The following ERG variants were observed in gnomAD, a reference collection of about 807,000 sequenced individuals.
The protein encoded by ERG is ETS transcription factor ERG.
Under a neutral mutation model 55.3 loss-of-function variants are expected in ERG, and 9 were observed. That is an observed-to-expected ratio of 0.16 (90% CI 0.10 to 0.28). ERG has a LOEUF of 0.28. Among genes scored for constraint, ERG ranks in the 10% least tolerant of loss-of-function variants. ERG has a pLI of 1.00. For synonymous variants in ERG, 223 were observed against 237.3 expected (o/e 0.94, Z 0.55); for missense variants, 434 against 631.6 (o/e 0.69, Z 3.35).
At chr21:38,561,090 C>T (rs2059890157) in intron 2 of ERG, among the ~76,000 whole-genome samples, 1 of 151,836 alleles carries the variant, frequency 6.6e-6, no homozygotes. Flanking sequence ...TTTACCTAAC[C>T]TAAGGGTTAT....
At chr21:38,620,876 C>T (rs1250309393) in intron 1 of ERG, among the ~76,000 whole-genome samples, 1 of 152,222 alleles carries the variant, frequency 6.6e-6, no homozygotes, top group Non-Finnish European at 1.5e-5. Context: ...TTTGGAAGCT[C>T]CTTCTAGACA....
At chr21:38,500,818 T>A (rs1347843014), upstream of ERG, among the ~76,000 whole-genome samples, 1 of 152,160 alleles carries the variant, frequency 6.6e-6, no homozygotes, top group Non-Finnish European at 1.5e-5. Context: ...CATACAAACA[T>A]AAAAAGTGAT....
At chr21:38,640,663 TC>T (rs1408201540) in intron 1 of ERG, among the ~76,000 whole-genome samples, 1 of 152,174 alleles carries the variant, frequency 6.6e-6, no homozygotes, top group Non-Finnish European at 1.5e-5. Flanking sequence ...TTGTGAGGCC[TC>T]CCCAGCCACG....
At chr21:38,425,229 C>T (rs1166421507) in intron 2 of ERG, among the ~76,000 whole-genome samples, 1 of 151,940 alleles carries the variant, frequency 6.6e-6, no homozygotes, top group African/African-American at 2.4e-5. Context: ...ACTAAAAATA[C>T]AAAATTAGCT....
At chr21:38,456,703 T>A (rs1412603311) in intron 1 of ERG, among the ~76,000 whole-genome samples, 1 of 152,204 alleles carries the variant, frequency 6.6e-6, no homozygotes, top group African/African-American at 2.4e-5. Flanking sequence ...CTTCACCCAC[T>A]GTGAGGGTCC....
upstream of ERG, among the ~76,000 whole-genome samples, chr21:38,499,261 A>C (rs895590919): frequency 1.3e-5 from 2 of 152,220 alleles, no homozygotes; most frequent in Non-Finnish European, 2.9e-5. Flanking sequence ...CAGACAACAG[A>C]TCCTCATAGA....
At position 38,612,766 on chromosome 21, in the gene ERG, C is replaced by T. The variant is rs575707081; in HGVS notation, c.-149-27821G>A. Among the ~76,000 whole-genome samples the T allele has an allele frequency of 3.2e-4, 48 of 151,012 alleles. 1 individual carries two copies. The highest frequency in any genetic ancestry group is 1.1e-3 in the African/African-American group (44 of 41,028). Reference sequence around the variant, plus strand: ...GCAACCTCCGCCTCCTGGGTTCAGGCGATTCTCCTGCCTCAGCCTCCCAAG... The same window carrying T: ...GCAACCTCCGCCTCCTGGGTTCAGGTGATTCTCCTGCCTCAGCCTCCCAAG... On this transcript the variant is annotated intron_variant, in intron 1 of 10. Coordinates refer to the ERG transcript ENST00000398910.
intron 1 of ERG, among the ~76,000 whole-genome samples, chr21:38,447,697 G>T (rs1278370951): frequency 6.6e-6 from 1 of 151,798 alleles, no homozygotes; most frequent in East Asian, 1.9e-4. Context: ...AAAAATTTTT[G>T]CAAAACAGAT....
At chr21:38,555,144 T>G (rs937237259) in intron 2 of ERG, among the ~76,000 whole-genome samples, 1 of 151,904 alleles carries the variant, frequency 6.6e-6, no homozygotes, top group Non-Finnish European at 1.5e-5. Flanking sequence ...CTGGCCAACA[T>G]AGTGAAACCT....
chr21:38,503,290 C>T (rs1356166232), upstream of ERG, among the ~76,000 whole-genome samples: 1 of 151,828 alleles, frequency 6.6e-6, no homozygotes, highest in Non-Finnish European at 1.5e-5. Context: ...GTGCAGCCCA[C>T]AATACTTGTA....
downstream of ERG, among the ~76,000 whole-genome samples, chr21:38,376,412 C>G (rs1987244946): frequency 6.6e-6 from 1 of 152,208 alleles, no homozygotes; most frequent in Non-Finnish European, 1.5e-5. Flanking sequence ...AGAGGCGGGT[C>G]CTACCCTGAT....
intron 1 of ERG, among the ~76,000 whole-genome samples, chr21:38,477,871 T>C (rs2059203431): frequency 6.6e-6 from 1 of 152,224 alleles, no homozygotes; most frequent in Admixed American, 6.5e-5. Flanking sequence ...CAGATTTTTT[T>C]AAATAGAAAG....
At chr21:38,623,611 G>C (rs1335005776) in intron 1 of ERG, among the ~76,000 whole-genome samples, 1 of 152,184 alleles carries the variant, frequency 6.6e-6, no homozygotes, top group Non-Finnish European at 1.5e-5. Context: ...GCTCATGTGT[G>C]TGTTAGTTTG....
At chr21:38,510,298 T>C (rs1214515370) in intron 2 of ERG, among the ~76,000 whole-genome samples, 1 of 152,246 alleles carries the variant, frequency 6.6e-6, no homozygotes, top group Non-Finnish European at 1.5e-5. Context: ...GGATTTGAGA[T>C]ACTGGATTCC....
At chr21:38,388,486 TGAAA>T (rs1569057332) in intron 9 of ERG, among the ~76,000 whole-genome samples, 1 of 152,212 alleles carries the variant, frequency 6.6e-6, no homozygotes, top group Admixed American at 6.5e-5. Context: ...TTTTAAGTGA[TGAAA>T]GATTTATTTA....
At chr21:38,550,484 T>C (rs2059817404) in intron 2 of ERG, among the ~76,000 whole-genome samples, 1 of 152,150 alleles carries the variant, frequency 6.6e-6, no homozygotes, top group Non-Finnish European at 1.5e-5. Context: ...TGAATTGCAT[T>C]AGTACCTTTA....
At chr21:38,493,561 A>AT (rs1252555888) in intron 1 of ERG, among the ~76,000 whole-genome samples, 8 of 152,212 alleles carry the variant, frequency 5.3e-5, no homozygotes, top group South Asian at 2.1e-4. Context: ...AACAAGATGT[A>AT]TTTTTTGTAA....
chr21:38,464,322 C>T (rs951667100), intron 1 of ERG, among the ~76,000 whole-genome samples: 2 of 152,146 alleles, frequency 1.3e-5, no homozygotes, highest in African/African-American at 4.8e-5. Flanking sequence ...AAAAGCCTCA[C>T]ACATCCATCC....
intron 1 of ERG, among the ~76,000 whole-genome samples, chr21:38,613,112 A>G (rs1386486649): frequency 6.6e-6 from 1 of 152,210 alleles, no homozygotes; most frequent in Admixed American, 6.5e-5. Context: ...TCACTCTTAA[A>G]CTACATTTTA....
Sources: allele counts gnomAD v4.1 joint callset (sites outside exome capture counted in the v4.1 genomes callset), GRCh38; gene constraint gnomAD v4.1.1; transcripts MANE v1.5; gene names NCBI Gene and HGNC (gene_info 2026-07-23, HGNC 2026-07-21).